The following GOLPH3L variants were observed in gnomAD, a reference collection of about 807,000 sequenced individuals.
GOLPH3L encodes Golgi phosphoprotein 3-like.
A neutral mutation model predicts 30.3 loss-of-function variants in GOLPH3L; 22 were observed. That is an observed-to-expected ratio of 0.73 (90% CI 0.52 to 1.04). The LOEUF is 1.04. Ranked by LOEUF, GOLPH3L falls within the 50% of genes least tolerant of loss-of-function variation. The pLI, the probability that GOLPH3L is intolerant of heterozygous loss-of-function variation, is 0.00. For missense variants in GOLPH3L, 303 were observed against 345.8 expected (o/e 0.88, Z 0.98); for synonymous variants, 120 against 128.2 (o/e 0.94, Z 0.43).
intron 2 of GOLPH3L, among the ~76,000 whole-genome samples, chr1:150,692,954 T>C (rs1321779204): frequency 6.6e-6 from 1 of 152,236 alleles, no homozygotes; most frequent in Non-Finnish European, 1.5e-5. Context: ...TCCTAGGTAA[T>C]GTGTAAACGT....
chr1:150,667,941 C>T (rs1039661290), intron 2 of GOLPH3L, among the ~76,000 whole-genome samples: 4 of 152,144 alleles, frequency 2.6e-5, no homozygotes, highest in African/African-American at 4.8e-5. Flanking sequence ...TTTGCACACA[C>T]TGCTCTGTTG....
intron 2 of GOLPH3L, among the ~76,000 whole-genome samples, chr1:150,692,564 T>C (rs1651237478): frequency 1.3e-5 from 2 of 152,312 alleles, no homozygotes; most frequent in South Asian, 4.1e-4. Flanking sequence ...TTTTTTGTTT[T>C]AAATTTTTTG....
chr1:150,674,738 A>T (rs756278238), intron 2 of GOLPH3L, among the ~76,000 whole-genome samples: 5 of 151,956 alleles, frequency 3.3e-5, no homozygotes, highest in Non-Finnish European at 5.9e-5. Flanking sequence ...AAAAAATTTT[A>T]AAAATTAGCC....
intron 4 of GOLPH3L, among the ~76,000 whole-genome samples, chr1:150,653,300 T>TA (rs1650167812): frequency 7.4e-6 from 1 of 134,514 alleles, no homozygotes; most frequent in African/African-American, 2.7e-5. Flanking sequence ...TTTTTTTTAT[T>TA]TTTTTTTTTT....
At chr1:150,658,291 G>A (rs587695881) in intron 4 of GOLPH3L, among the ~76,000 whole-genome samples, 2 of 152,280 alleles carry the variant, frequency 1.3e-5, no homozygotes, top group South Asian at 2.1e-4. Flanking sequence ...ACAACCAGTC[G>A]CAATGAGTAA....
At chr1:150,650,978 T>A (rs186488975) in intron 4 of GOLPH3L, among the ~76,000 whole-genome samples, 84 of 152,298 alleles carry the variant, frequency 5.5e-4, no homozygotes, top group African/African-American at 1.8e-3. Context: ...AGGGAAACCA[T>A]GACTTATCAT....
At chr1:150,653,297 T>A (rs1168010929) in intron 4 of GOLPH3L, among the ~76,000 whole-genome samples, 4 of 135,510 alleles carry the variant, frequency 3.0e-5, no homozygotes, top group Non-Finnish European at 4.8e-5. Flanking sequence ...TTTTTTTTTT[T>A]ATTTTTTTTT....
chr1:150,671,297 T>C (rs941371308), intron 2 of GOLPH3L, among the ~76,000 whole-genome samples: 1 of 151,928 alleles, frequency 6.6e-6, no homozygotes, highest in Non-Finnish European at 1.5e-5. Flanking sequence ...TTCTGTTGAA[T>C]ATCTAGAAGA....
chr1:150,688,864 C>A (rs928155298), intron 2 of GOLPH3L, among the ~76,000 whole-genome samples: 1 of 152,134 alleles, frequency 6.6e-6, no homozygotes, highest in African/African-American at 2.4e-5. Flanking sequence ...CGTGCTTTTC[C>A]TCTGTGTTTC....
At position 150,647,147 on chromosome 1, in the gene GOLPH3L, T is replaced by C. The variant is rs1018889443; in HGVS notation, c.*1174A>G. 1 of 152,202 alleles carries C rather than the reference T, an allele frequency of 6.6e-6. No homozygotes were observed. The highest frequency in any genetic ancestry group is 6.5e-5 in the Admixed American group (1 of 15,282). The allele number at this position is 152,202 out of a possible 1,614,324, so 9.4% of individuals were successfully genotyped here. ...GATCTGGAGTTCAGATATACTGATA[T>C]ATTCAGCAACTGAAACTTACAATTC... On this transcript the variant is annotated 3_prime_UTR_variant, in exon 5 of 5. Coordinates refer to ENST00000271732, the MANE Select transcript of GOLPH3L (RefSeq NM_018178.6).
At chr1:150,685,115 T>G (rs1651051512) in intron 2 of GOLPH3L, among the ~76,000 whole-genome samples, 1 of 152,186 alleles carries the variant, frequency 6.6e-6, no homozygotes, top group African/African-American at 2.4e-5. Context: ...AGAAAAATAA[T>G]GTATAGAATT....
intron 2 of GOLPH3L, among the ~76,000 whole-genome samples, chr1:150,691,104 G>C (rs921198589): frequency 6.6e-6 from 1 of 151,572 alleles, no homozygotes; most frequent in Non-Finnish European, 1.5e-5. Flanking sequence ...GACTAGCCTG[G>C]CTAACATGCT....
chr1:150,669,478 TA>T (rs1650590737), intron 2 of GOLPH3L, among the ~76,000 whole-genome samples: 1 of 152,174 alleles, frequency 6.6e-6, no homozygotes, highest in South Asian at 2.1e-4. Context: ...AATGCTTTGG[TA>T]TGTCTGAGCA....
chr1:150,668,029 C>T (rs1016600289), intron 2 of GOLPH3L, among the ~76,000 whole-genome samples: 22 of 152,168 alleles, frequency 1.4e-4, no homozygotes, highest in Admixed American at 7.2e-4. Flanking sequence ...TTCCACATAA[C>T]CTTCTCTAAC....
At chr1:150,659,386 A>C (rs1450511455) in intron 4 of GOLPH3L, among the ~76,000 whole-genome samples, 1 of 152,224 alleles carries the variant, frequency 6.6e-6, no homozygotes, top group Non-Finnish European at 1.5e-5. Context: ...TGGCCCACCC[A>C]GGGCGGAAAA....
intron 2 of GOLPH3L, among the ~76,000 whole-genome samples, chr1:150,680,952 C>T (rs1468154855): frequency 6.6e-6 from 1 of 152,032 alleles, no homozygotes; most frequent in African/African-American, 2.4e-5. Context: ...CCAGACTGGG[C>T]AACATGGTGA....
intron 2 of GOLPH3L, among the ~76,000 whole-genome samples, chr1:150,675,442 C>G (rs1650751185): frequency 6.6e-6 from 1 of 152,016 alleles, no homozygotes; most frequent in Admixed American, 6.6e-5. Flanking sequence ...ATACATGTAT[C>G]TTCTACCCAT....
intron 2 of GOLPH3L, among the ~76,000 whole-genome samples, chr1:150,673,984 CCCA>C (rs1437290422): frequency 6.6e-6 from 1 of 151,826 alleles, no homozygotes; most frequent in Admixed American, 6.6e-5. Flanking sequence ...AGTCTATCTC[CCCA>C]CAACTCACGT....
At chr1:150,651,693 CAAG>C (rs1650109830) in intron 4 of GOLPH3L, among the ~76,000 whole-genome samples, 1 of 145,338 alleles carries the variant, frequency 6.9e-6, no homozygotes, top group Non-Finnish European at 1.5e-5. Flanking sequence ...AAAAATCACT[CAAG>C]GGATCCAACA....
Sources: gnomAD v4.1 joint callset for allele counts (sites outside exome capture counted in the v4.1 genomes callset) on GRCh38, gnomAD v4.1.1 for gene constraint, MANE v1.5 for transcripts, NCBI Gene and HGNC (gene_info 2026-07-23, HGNC 2026-07-21) for gene names.